The following PTPRG variants were observed in gnomAD, a reference collection of about 807,000 sequenced individuals.
PTPRG encodes the protein receptor-type tyrosine-protein phosphatase gamma.
In PTPRG, 102 loss-of-function variants were observed where a neutral mutation model predicts 165.3. The observed-to-expected ratio is 0.62, with a 90% CI of 0.53 to 0.73. The LOEUF (loss-of-function observed/expected upper bound fraction) is 0.73. Among genes scored for constraint, PTPRG ranks in the 30% least tolerant of loss-of-function variants. PTPRG has a pLI of 0.00. For missense variants in PTPRG, 1,866 were observed against 1,861.4 expected, an observed-to-expected ratio of 1.00 and a Z score of -0.05; for synonymous variants, 675 against 669.5, an observed-to-expected ratio of 1.01 and a Z score of -0.13.
intron 3 of PTPRG, among the ~76,000 whole-genome samples, chr3:61,997,883 C>A (rs2041077049): frequency 2.0e-5 from 3 of 152,144 alleles, no homozygotes; most frequent in Admixed American, 6.5e-5. Context: ...CCAGGGCAAC[C>A]CTCTGATGTC....
chr3:61,663,707 C>T (rs542889503), intron 1 of PTPRG, among the ~76,000 whole-genome samples: 2 of 152,188 alleles, frequency 1.3e-5, no homozygotes, highest in Non-Finnish European at 1.5e-5. Flanking sequence ...TTTCCTGCAA[C>T]TAAGCAGTCC....
chr3:61,561,946 G>T lies in PTPRG; in HGVS notation c.-342G>T, dbSNP rs1699765779. The T allele has an allele frequency of 1.2e-5, 2 of 172,588 alleles. No homozygotes were observed. Among genetic ancestry groups the T allele is most frequent in the African/African-American group, 4.7e-5 (2 of 42,184 alleles). The allele number at this position is 172,588 out of a possible 1,614,324, so 10.7% of individuals were successfully genotyped here. On this transcript the variant is annotated 5_prime_UTR_variant, in exon 1 of 30. Transcript: ENST00000474889. ...GGATCCTCGGCTGCTCGCCGCCGCC[G>T]CCCGCGGTCCCTGCCTGCCCCAGGC...
rs919409435 is a variant in PTPRG at position 61,840,326 on chromosome 3, T to C, written c.190+91344T>C. Among the ~76,000 whole-genome samples the C allele has an allele frequency of 1.8e-4, 28 of 152,330 alleles. 1 individual carries two copies. In the East Asian group the frequency reaches 5.4e-3, roughly 29 times the overall value. On this transcript the variant is annotated intron_variant, in intron 2 of 29. Transcript: ENST00000474889. Reference sequence around the variant, plus strand: ...CAGGACCCATTTCGATCTGTATTCTTTAGTTACTAAATCTTTAAAATTTAA... The same window carrying C: ...CAGGACCCATTTCGATCTGTATTCTCTAGTTACTAAATCTTTAAAATTTAA...
At chr3:61,710,652 A>G (rs749154756) in intron 1 of PTPRG, among the ~76,000 whole-genome samples, 5 of 151,742 alleles carry the variant, frequency 3.3e-5, no homozygotes, top group Non-Finnish European at 5.9e-5. Context: ...TGTTAGTGTT[A>G]GTGTATTTTA....
intron 2 of PTPRG, among the ~76,000 whole-genome samples, chr3:61,988,069 C>T (rs1463283086): frequency 3.3e-5 from 5 of 152,102 alleles, no homozygotes; most frequent in African/African-American, 7.2e-5. Flanking sequence ...CGGATAGTAG[C>T]GCGACACTTA....
At chr3:62,016,156 A>G (rs1407930534) in intron 4 of PTPRG, among the ~76,000 whole-genome samples, 2 of 152,108 alleles carry the variant, frequency 1.3e-5, no homozygotes, top group East Asian at 3.9e-4. Flanking sequence ...GCATTCTTAC[A>G]GTTTATTTAT....
At chr3:62,160,989 CTG>C (rs1704738097) in intron 7 of PTPRG, among the ~76,000 whole-genome samples, 1 of 147,448 alleles carries the variant, frequency 6.8e-6, no homozygotes, top group Admixed American at 6.9e-5. Flanking sequence ...GAAATTAAGA[CTG>C]TGTGCTTTGG....
At chr3:61,979,604 A>G (rs1407736157) in intron 2 of PTPRG, among the ~76,000 whole-genome samples, 3 of 152,152 alleles carry the variant, frequency 2.0e-5, no homozygotes, top group Non-Finnish European at 4.4e-5. Flanking sequence ...CCTAGGTCTC[A>G]TTTACTGGAA....
At chr3:62,090,692 C>T (rs572690934) in intron 5 of PTPRG, among the ~76,000 whole-genome samples, 1 of 152,314 alleles carries the variant, frequency 6.6e-6, no homozygotes, top group African/African-American at 2.4e-5. Flanking sequence ...ACGGACTCTG[C>T]TCATGTGTCA....
intron 29 of PTPRG, 42 bp from the exon 30 acceptor site, chr3:62,293,119 A>G (rs751554606): frequency 4.0e-6 from 6 of 1,488,310 alleles, no homozygotes; most frequent in Non-Finnish European, 5.4e-6. Context: ...TGAAATCACT[A>G]AACTGTTCTT....
At chr3:61,758,909 C>G (rs1002878410) in intron 2 of PTPRG, among the ~76,000 whole-genome samples, 1 of 152,156 alleles carries the variant, frequency 6.6e-6, no homozygotes, top group African/African-American at 2.4e-5. Flanking sequence ...TGCTTAAAGA[C>G]TGAATTTTCT....
chr3:62,284,818 C>T (rs1398891399), intron 28 of PTPRG, among the ~76,000 whole-genome samples: 2 of 152,086 alleles, frequency 1.3e-5, no homozygotes, highest in Admixed American at 6.6e-5. Flanking sequence ...TTGGTGCCAT[C>T]GATTCTTTCA....
chr3:61,984,693 A>G (rs1383650806), intron 2 of PTPRG, among the ~76,000 whole-genome samples: 1 of 152,220 alleles, frequency 6.6e-6, no homozygotes, highest in Non-Finnish European at 1.5e-5. Context: ...CTATTAACTG[A>G]GCACCAAACT....
chr3:62,102,105 G>C (rs1576004784), intron 5 of PTPRG, among the ~76,000 whole-genome samples: 1 of 152,112 alleles, frequency 6.6e-6, no homozygotes, highest in Non-Finnish European at 1.5e-5. Flanking sequence ...TAGCAGGATA[G>C]AGGCTCATTG....
At chr3:61,846,972 C>G (rs1191941024) in intron 2 of PTPRG, among the ~76,000 whole-genome samples, 1 of 152,132 alleles carries the variant, frequency 6.6e-6, no homozygotes, top group Non-Finnish European at 1.5e-5. Context: ...ACAGTAACCA[C>G]TAGCCACATG....
intron 2 of PTPRG, among the ~76,000 whole-genome samples, chr3:61,863,727 G>A (rs940847559): frequency 6.6e-6 from 1 of 152,170 alleles, no homozygotes; most frequent in Non-Finnish European, 1.5e-5. Flanking sequence ...CAAGCCTTGG[G>A]TGACTTCAGT....
intron 13 of PTPRG, among the ~76,000 whole-genome samples, chr3:62,220,055 G>A (rs1700614057): frequency 6.6e-6 from 1 of 152,184 alleles, no homozygotes; most frequent in African/African-American, 2.4e-5. Context: ...GGCTCCACCT[G>A]GGGCAAGTTC....
intron 8 of PTPRG, among the ~76,000 whole-genome samples, chr3:62,181,501 T>C (rs754999098): frequency 7.9e-5 from 12 of 152,200 alleles, no homozygotes; most frequent in Non-Finnish European, 1.6e-4. Context: ...GTTCAAACTA[T>C]GCTCAGTAAG....
At chr3:61,601,146 C>T (rs1400258702) in intron 1 of PTPRG, among the ~76,000 whole-genome samples, 1 of 152,134 alleles carries the variant, frequency 6.6e-6, no homozygotes, top group Non-Finnish European at 1.5e-5. Context: ...GTCCCACCTC[C>T]TTGGGAGGCT....
Sources: allele counts gnomAD v4.1 joint callset (sites outside exome capture counted in the v4.1 genomes callset), GRCh38; gene constraint gnomAD v4.1.1; transcripts MANE v1.5; gene names NCBI Gene and HGNC (gene_info 2026-07-23, HGNC 2026-07-21).